FKBP5: variants seen among roughly 807,000 people sequenced by gnomAD.
FKBP5 encodes the protein peptidyl-prolyl cis-trans isomerase FKBP5.
A neutral mutation model predicts 50.5 loss-of-function variants in FKBP5; 23 were observed. The ratio of observed to expected loss-of-function variants is 0.46; its 90% CI spans 0.33 to 0.65. The LOEUF is 0.65. Among genes scored for constraint, FKBP5 ranks in the 30% least tolerant of loss-of-function variants. The pLI is 0.02. For synonymous variants in FKBP5, 176 were observed against 190.6 expected (o/e 0.92, Z 0.63); for missense variants, 411 against 553.1 (o/e 0.74, Z 2.58).
At chr6:35,586,798 G>A in intron 8 of FKBP5, 3 of 1,401,076 alleles carry the variant, frequency 2.1e-6, no homozygotes, top group Non-Finnish European at 2.8e-6. Flanking sequence ...TGGTCTGCCT[G>A]TATGGAAGGT....
intron 1 of FKBP5, chr6:35,728,396 C>T (rs1339227522): frequency 1.3e-5 from 2 of 152,340 alleles, no homozygotes; most frequent in African/African-American, 4.8e-5. Flanking sequence ...AGCCCCCAGC[C>T]TGAGCGCAGC....
intron 1 of FKBP5, among the ~76,000 whole-genome samples, chr6:35,663,089 C>T (rs1294729316): frequency 1.3e-5 from 2 of 152,146 alleles, no homozygotes; most frequent in Non-Finnish European, 2.9e-5. Flanking sequence ...CAGCACGTTT[C>T]AAGCCTAAGC....
At position 35,672,929 on chromosome 6, in the gene FKBP5, CA is replaced by C. The variant is rs764085096; in HGVS notation, c.-20+15874del. Among the ~76,000 whole-genome samples the C allele has an allele frequency of 3.9e-3, 439 of 112,360 alleles. 2 individuals carry two copies. The East Asian group carries it at 0.049, about 13-fold the overall frequency. 73.7% of individuals were successfully genotyped at this position (112,360 alleles called of 152,430 possible). ...TGGGCAACAGAGAGAGACTCCGTCT[CA>C]AAAAAAAAAAAGAAAAAAAGTACTT... is the stretch of plus-strand genomic sequence containing the variant. On this transcript the variant is annotated intron_variant, in intron 1 of 10. Coordinates refer to ENST00000357266, the MANE Select transcript of FKBP5 (RefSeq NM_004117.4).
chr6:35,716,491 C>T lies in FKBP5; in HGVS notation c.-20+3837G>A, dbSNP rs1006869777. ...CAGCACGGTGTTTGAGATTCATTCT[C>T]GGGAGTTCTTCTGCCTATGTGATGT... is the stretch of plus-strand genomic sequence containing the variant. On this transcript the variant is annotated intron_variant, in intron 2 of 11. Transcript: ENST00000536438. Among the ~76,000 whole-genome samples the T allele has an allele frequency of 1.2e-4, 19 of 152,184 alleles. No homozygotes were observed. In the East Asian group the frequency reaches 2.1e-3, roughly 17 times the overall value.
intron 1 of FKBP5, among the ~76,000 whole-genome samples, chr6:35,655,235 AT>A (rs1406330710): frequency 6.6e-6 from 1 of 152,234 alleles, no homozygotes; most frequent in African/African-American, 2.4e-5. Context: ...TCACTTATTT[AT>A]TCAACAACTA....
intron 2 of FKBP5, among the ~76,000 whole-genome samples, chr6:35,699,071 A>T (rs780445304): frequency 7.2e-5 from 11 of 152,192 alleles, no homozygotes; most frequent in Non-Finnish European, 1.3e-4. Context: ...TCTCTAGTCT[A>T]TGTGGCAAGG....
chr6:35,655,354 A>G (rs1203203570), intron 1 of FKBP5, among the ~76,000 whole-genome samples: 2 of 152,180 alleles, frequency 1.3e-5, no homozygotes, highest in East Asian at 1.9e-4. Context: ...ATAAGGGTGA[A>G]GACAGTAGGA....
chr6:35,666,590 T>C, intron 1 of FKBP5, among the ~76,000 whole-genome samples: 1 of 151,822 alleles, frequency 6.6e-6, no homozygotes. Context: ...TCTATTTGTG[T>C]AAAGAAAATG....
chr6:35,642,440 T>G (rs1016291395), intron 2 of FKBP5, among the ~76,000 whole-genome samples: 4 of 152,172 alleles, frequency 2.6e-5, no homozygotes, highest in Admixed American at 2.6e-4. Context: ...TCTCAAAAAT[T>G]TAATTAATTA....
At chr6:35,643,414 T>C (rs1260116175) in intron 1 of FKBP5, among the ~76,000 whole-genome samples, 3 of 152,200 alleles carry the variant, frequency 2.0e-5, no homozygotes, top group South Asian at 2.1e-4. Flanking sequence ...AAGATTAGCA[T>C]AGATTGGTAA....
chr6:35,586,775 G>A (rs1459326415), intron 8 of FKBP5: 1 of 1,367,734 alleles, frequency 7.3e-7, no homozygotes. Flanking sequence ...GTGGTGGGTG[G>A]GGATGCCAGA....
At chr6:35,678,780 AAC>A (rs1426480053) in intron 1 of FKBP5, among the ~76,000 whole-genome samples, 6 of 152,208 alleles carry the variant, frequency 3.9e-5, no homozygotes, top group African/African-American at 1.2e-4. Flanking sequence ...GTGAGAATTT[AAC>A]AGTTTAAAAA....
chr6:35,655,724 ATTCCTTCT>A (rs1764927897), intron 1 of FKBP5, among the ~76,000 whole-genome samples: 1 of 152,254 alleles, frequency 6.6e-6, no homozygotes, highest in African/African-American at 2.4e-5. Context: ...AGCTAAGTAT[ATTCCTTCT>A]CTAAATTTAA....
At chr6:35,682,983 C>T (rs1384371902) in intron 1 of FKBP5, among the ~76,000 whole-genome samples, 3 of 148,308 alleles carry the variant, frequency 2.0e-5, no homozygotes, top group African/African-American at 7.5e-5. Flanking sequence ...AAACATACGT[C>T]AATCTCTTTA....
intron 5 of FKBP5, among the ~76,000 whole-genome samples, chr6:35,612,534 A>G (rs568714925): frequency 6.6e-6 from 1 of 152,370 alleles, no homozygotes; most frequent in East Asian, 1.9e-4. Context: ...AACTGTTTGT[A>G]TTAGTCCATT....
chr6:35,616,616 C>T (rs1254209432), intron 5 of FKBP5, among the ~76,000 whole-genome samples: 1 of 152,112 alleles, frequency 6.6e-6, no homozygotes, highest in Non-Finnish European at 1.5e-5. Flanking sequence ...TGACTCCCAT[C>T]GCAAGTATTA....
At chr6:35,700,822 G>A (rs1766168414) in intron 2 of FKBP5, among the ~76,000 whole-genome samples, 1 of 152,026 alleles carries the variant, frequency 6.6e-6, no homozygotes, top group African/African-American at 2.4e-5. Context: ...AGCCGGGCAT[G>A]GTGGTGCACA....
At chr6:35,584,597 G>GA (rs1762544371) in intron 8 of FKBP5, 6 of 985,302 alleles carry the variant, frequency 6.1e-6, no homozygotes. Context: ...TAACCATTTT[G>GA]AAGTTTTACA....
chr6:35,644,932 A>T (rs1338049551), intron 1 of FKBP5, among the ~76,000 whole-genome samples: 3 of 152,218 alleles, frequency 2.0e-5, no homozygotes, highest in Non-Finnish European at 4.4e-5. Context: ...GGTGTAAAGC[A>T]CTGAACAAAT....
Sources: gnomAD v4.1 joint callset for allele counts (sites outside exome capture counted in the v4.1 genomes callset) on GRCh38, gnomAD v4.1.1 for gene constraint, MANE v1.5 for transcripts, NCBI Gene and HGNC (gene_info 2026-07-23, HGNC 2026-07-21) for gene names.